Variants in RBM11 observed in about 807,000 individuals in gnomAD.
The protein encoded by RBM11 is splicing regulator RBM11.
A neutral mutation model predicts 21.4 loss-of-function variants in RBM11; 18 were observed. The ratio of observed to expected loss-of-function variants is 0.84; its 90% CI spans 0.58 to 1.25. The LOEUF is 1.25. Ranked by LOEUF, RBM11 falls within the 50% of genes most tolerant of loss-of-function variation. The pLI, the probability that RBM11 is intolerant of heterozygous loss-of-function variation, is 0.00. For synonymous variants in RBM11, 120 were observed against 116.3 expected (o/e 1.03, Z -0.20); for missense variants, 294 against 331.9 (o/e 0.89, Z 0.89).
In RBM11 at chr21:14,221,159, C is replaced by T. The variant is rs1454826174; in HGVS notation, c.322C>T (p.His108Tyr). 14 of 1,565,304 alleles carry T rather than the reference C, an allele frequency of 8.9e-6. No homozygotes were observed. Among genetic ancestry groups the T allele is most frequent in the Non-Finnish European group, 1.0e-5 (12 of 1,154,696 alleles). Residue 108 changes from histidine (H) to tyrosine (Y), a missense_variant, in exon 3 of 5, where the codon CAC becomes TAC. Coordinates refer to ENST00000400577, the MANE Select transcript of RBM11 (RefSeq NM_144770.5). ...TGAGAGCTGTGTTAAGATAAATTCA[C>T]ACAACTACAGGTAATTTTAAAAATA... ...SFESCVKINS[H>Y]NYRNEEMLVG... is the part of the protein sequence containing the mutation.
chr21:14,224,576 T>C, intron 4 of RBM11, 39 bp downstream of exon 4: 1 of 1,517,296 alleles, frequency 6.6e-7, no homozygotes, highest in South Asian at 1.3e-5. Flanking sequence ...TATAATATGA[T>C]ACAAACTATG....
At position 14,219,634 on chromosome 21, in the gene RBM11, C is replaced by G. The variant is rs777331963; in HGVS notation, c.168C>G (p.Cys56Trp). 32 of 1,606,902 alleles carry G rather than the reference C, an allele frequency of 2.0e-5. No homozygotes were observed. Among genetic ancestry groups the G allele is most frequent in the East Asian group, 6.7e-5 (3 of 44,774 alleles). Residue 56 changes from cysteine to tryptophan, a missense_variant, in exon 2 of 5, where the codon TGC (cysteine) becomes TGG (tryptophan). Coordinates refer to ENST00000400577, the MANE Select transcript of RBM11 (RefSeq NM_144770.5). ...AGCCAAAGTCTTTTGGATTTGTCTG[C>G]TTTAAACACCCAGAATCGGTGTCTT... ...EGKPKSFGFV[C>W]FKHPESVSYA...
At chr21:14,220,988 T>TTAAAATCACTAC in intron 2 of RBM11, 109 bp from the exon 3 acceptor site, 1 of 1,134,692 alleles carries the variant, frequency 8.8e-7, no homozygotes, top group South Asian at 1.7e-5. Flanking sequence ...GTACAGAATT[T>TTAAAATCACTAC]TAAAATCACT....
At chr21:14,224,288 C>T in intron 3 of RBM11, 150 bp from the exon 4 acceptor site, 1 of 1,190,726 alleles carries the variant, frequency 8.4e-7, no homozygotes, top group South Asian at 1.7e-5. Context: ...GGAGACATGT[C>T]AGCCCATCAC....
Position 14,227,229 on chromosome 21 carries a change from A to G in RBM11, c.782A>G (p.Asp261Gly), listed in dbSNP as rs1979178574. The G allele has an allele frequency of 6.2e-7, 1 of 1,613,948 alleles. No homozygotes were observed. The highest frequency in any genetic ancestry group is 1.1e-5 in the South Asian group (1 of 91,090). The change falls in exon 5 of 5, where the codon GAC becomes GGC. Residue 261 changes from aspartate to glycine, a missense_variant. Physicochemically the swap from Asp to Gly is moderately conservative, Grantham distance 94 (BLOSUM62 -1). Coordinates refer to ENST00000400577, the MANE Select transcript of RBM11 (RefSeq NM_144770.5). ...KQTSDSDSST[D>G]NNRGNECSQK... ...ACAAGTGATAGTGATAGTAGCACAG[A>G]CAACAACAGAGGCAACGAATGTAGC...
rs1374433334 is a variant in RBM11 at position 14,226,997 on chromosome 21, C to T, written c.550C>T (p.Pro184Ser). ...LNHVPDLEAG[P>S]SSYKWTHQQP... is the part of the protein sequence containing the mutation. ...TCATGTTCCAGATCTTGAGGCTGGACCCAGCTCATATAAATGGACTCACCA... is the reference window on the plus strand; with the variant it reads ...TCATGTTCCAGATCTTGAGGCTGGATCCAGCTCATATAAATGGACTCACCA... The change falls in exon 5 of 5, where the codon CCC (proline) becomes TCC (serine). Residue 184 changes from proline to serine, a missense_variant. By Grantham distance (74) the Pro-to-Ser change is moderately conservative (BLOSUM62 -1). Transcript: ENST00000400577. 7 of 1,612,862 alleles carry T rather than the reference C, an allele frequency of 4.3e-6. No homozygotes were observed. Among genetic ancestry groups the T allele is most frequent in the South Asian group, 1.1e-5 (1 of 90,898 alleles).
At chr21:14,220,052 TTA>T (rs1161616315) in intron 2 of RBM11, among the ~76,000 whole-genome samples, 5 of 152,170 alleles carry the variant, frequency 3.3e-5, no homozygotes, top group Non-Finnish European at 7.4e-5. Context: ...ACTGTAACAT[TTA>T]TATAGCAAGG....
At chr21:14,220,030 T>C (rs1978524504) in intron 2 of RBM11, among the ~76,000 whole-genome samples, 1 of 152,146 alleles carries the variant, frequency 6.6e-6, no homozygotes, top group Non-Finnish European at 1.5e-5. Flanking sequence ...CTAAATGAAC[T>C]GGGGTCACAC....
Position 14,227,113 on chromosome 21 carries a change from T to C in RBM11, c.666T>C (p.Leu222=). ...CCTCACTGAATCATGTTCCAGATCT[T>C]GAGGCTGGACCCAGCTCATATAAAT... ...VSSSLNHVPD[L]EAGPSSYKWT... is the part of the protein sequence containing the mutation. Residue 222 remains leucine (L), a synonymous_variant, in exon 5 of 5, where the codon CTT becomes CTC. Coordinates refer to ENST00000400577, the MANE Select transcript of RBM11 (RefSeq NM_144770.5). The C allele has an allele frequency of 6.3e-7, 1 of 1,589,184 alleles. No individual in the cohort carries two copies. The highest frequency in any genetic ancestry group is 8.5e-7 in the Non-Finnish European group (1 of 1,171,710).
Position 14,227,369 on chromosome 21 carries a change from TAAAC to T in RBM11, c.*79_*82del. 7.2e-7 allele frequency: 1 copy of T among 1,381,280 alleles called. No homozygotes were observed. The highest frequency in any genetic ancestry group is 9.8e-7 in the Non-Finnish European group (1 of 1,021,900). The allele number at this position is 1,381,280 out of a possible 1,614,324, so 85.6% of individuals were successfully genotyped here. On this transcript the variant is annotated 3_prime_UTR_variant, in exon 5 of 5. Transcript: ENST00000400577. Reference sequence around the variant, plus strand: ...AAAAATAAGATGTTATCCCATCAAATAAACAATGTCATGGCTATCTTGTCTTTTG... The same window carrying T: ...AAAAATAAGATGTTATCCCATCAAATAATGTCATGGCTATCTTGTCTTTTG...
chr21:14,218,611 C>T (rs1266477210), intron 1 of RBM11, among the ~76,000 whole-genome samples: 1 of 152,138 alleles, frequency 6.6e-6, no homozygotes, highest in Non-Finnish European at 1.5e-5. Flanking sequence ...AAGACTAAAT[C>T]TTAACACACA....
At chr21:14,225,467 C>T (rs1979013099) in intron 4 of RBM11, among the ~76,000 whole-genome samples, 1 of 151,928 alleles carries the variant, frequency 6.6e-6, no homozygotes, top group Admixed American at 6.6e-5. Flanking sequence ...AATTGAAGTC[C>T]AGGGTTGTTA....
rs1978727513 is a variant in RBM11 at position 14,222,206 on chromosome 21, G to C, written c.332+1037G>C. ...ATATTATGTTCTGATATATCATATA[G>C]ATGTATGATATAGATAGAGATCTAT... On this transcript the variant is annotated intron_variant, in intron 3 of 4. Coordinates refer to ENST00000400577, the MANE Select transcript of RBM11 (RefSeq NM_144770.5). Among the ~76,000 whole-genome samples the C allele has an allele frequency of 2.6e-5, 4 of 151,860 alleles. No homozygotes were observed. The South Asian group carries it at 8.3e-4, about 31-fold the overall frequency.
At chr21:14,222,950 T>C (rs1338614169) in intron 3 of RBM11, among the ~76,000 whole-genome samples, 1 of 152,232 alleles carries the variant, frequency 6.6e-6, no homozygotes, top group African/African-American at 2.4e-5. Flanking sequence ...ATGTGTATAA[T>C]GTAAGAACTC....
In RBM11 at chr21:14,219,565, G is replaced by T; in HGVS notation, c.99G>T (p.Ala33=). 1.3e-6 allele frequency: 2 copies of T among 1,489,308 alleles called. No individual in the cohort carries two copies. Among genetic ancestry groups the T allele is most frequent in the East Asian group, 2.4e-5 (1 of 42,516 alleles). 92.3% of individuals were successfully genotyped at this position (1,489,308 alleles called of 1,614,324 possible). The change falls in exon 2 of 5, where the codon GCG becomes GCT. Residue 33 remains alanine (A), a splice_region_variant and synonymous_variant. Transcript: ENST00000400577. ...EEILYELFLQ[A]GPLTKVTICK... ...AATAATTTTTAAGTTTCTTATAGGCGGGGCCACTAACCAAAGTGACTATAT... is the reference window on the plus strand; with the variant it reads ...AATAATTTTTAAGTTTCTTATAGGCTGGGCCACTAACCAAAGTGACTATAT...
At chr21:14,222,109 T>A (rs1190461652) in intron 3 of RBM11, among the ~76,000 whole-genome samples, 2 of 152,186 alleles carry the variant, frequency 1.3e-5, no homozygotes, top group Non-Finnish European at 2.9e-5. Flanking sequence ...TTCTTTTTTT[T>A]AATGTTTGGC....
intron 2 of RBM11, 28 bp downstream of exon 2, chr21:14,219,753 A>C: frequency 6.5e-7 from 1 of 1,537,084 alleles, no homozygotes; most frequent in Non-Finnish European, 8.8e-7. Flanking sequence ...TTAATCTTCA[A>C]AGTGTTTTGT....
At chr21:14,224,607 T>G (rs1978945801) in intron 4 of RBM11, 70 bp downstream of exon 4, 2 of 1,478,896 alleles carry the variant, frequency 1.4e-6, no homozygotes, top group East Asian at 5.1e-5. Flanking sequence ...AGGCTATTTG[T>G]AACATATGGT....
chr21:14,224,551 G>T lies in RBM11; in HGVS notation c.432+14G>T. ...TTTCAGAAGATGGTAAGTTTAATAT[G>T]CATTTTATTTAGTATATAATATGAT... On this transcript the variant is annotated intron_variant, in intron 4 of 4. Coordinates refer to ENST00000400577, the MANE Select transcript of RBM11 (RefSeq NM_144770.5). 3.2e-6 allele frequency: 5 copies of T among 1,541,686 alleles called. No individual in the cohort carries two copies. Among genetic ancestry groups the T allele is most frequent in the Non-Finnish European group, 4.4e-6 (5 of 1,144,188 alleles).
Sources: allele counts gnomAD v4.1 joint callset (sites outside exome capture counted in the v4.1 genomes callset), GRCh38; gene constraint gnomAD v4.1.1; transcripts MANE v1.5; gene names NCBI Gene and HGNC (gene_info 2026-07-23, HGNC 2026-07-21).